The following TAFA2 variants were observed in gnomAD, a reference collection of about 807,000 sequenced individuals.
The protein encoded by TAFA2 is TAFA chemokine like family member 2.
TAFA2 carries 7 observed loss-of-function variants against 18.8 expected under a neutral mutation model. That is an observed-to-expected ratio of 0.37 (90% confidence interval 0.21 to 0.70). The LOEUF (loss-of-function observed/expected upper bound fraction) is 0.70, where lower values mean the gene tolerates loss of function less well. Among genes scored for constraint, TAFA2 ranks in the 30% least tolerant of loss-of-function variants. The pLI is 0.53. For missense variants in TAFA2, 122 were observed against 158.1 expected (o/e 0.77, Z 1.23); for synonymous variants, 60 against 54.2 (o/e 1.11, Z -0.47).
At chr12:61,920,136 T>C (rs542546182) in intron 1 of TAFA2, among the ~76,000 whole-genome samples, 1 of 152,276 alleles carries the variant, frequency 6.6e-6, no homozygotes, top group East Asian at 1.9e-4. Flanking sequence ...CAGCACTAAC[T>C]TAGATGGTAA....
intron 1 of TAFA2, among the ~76,000 whole-genome samples, chr12:61,901,154 A>C (rs924178636): frequency 2.0e-5 from 3 of 152,154 alleles, no homozygotes; most frequent in Non-Finnish European, 4.4e-5. Flanking sequence ...ACATATGTTC[A>C]CTTGACTAAT....
At chr12:61,794,883 G>GAA (rs1465673033) in intron 2 of TAFA2, among the ~76,000 whole-genome samples, 3 of 151,792 alleles carry the variant, frequency 2.0e-5, no homozygotes, top group African/African-American at 4.8e-5. Context: ...ATATTTACAA[G>GAA]AAAAAAACAA....
At chr12:61,862,280 C>T (rs180879164) in intron 2 of TAFA2, among the ~76,000 whole-genome samples, 1 of 152,338 alleles carries the variant, frequency 6.6e-6, no homozygotes, top group East Asian at 1.9e-4. Flanking sequence ...AATACTCTGA[C>T]TTAATCCCTT....
chr12:62,095,807 A>C (rs1868924316), intron 1 of TAFA2, among the ~76,000 whole-genome samples: 1 of 152,124 alleles, frequency 6.6e-6, no homozygotes, highest in Admixed American at 6.6e-5. Context: ...AATATTGCTC[A>C]GAGGTAAAGA....
chr12:61,866,034 C>T (rs1027582405), intron 2 of TAFA2, among the ~76,000 whole-genome samples: 1 of 152,136 alleles, frequency 6.6e-6, no homozygotes, highest in Non-Finnish European at 1.5e-5. Context: ...ATGTCCTCCT[C>T]ATCATCTTTT....
chr12:61,734,749 C>A (rs1385016038), intron 4 of TAFA2, among the ~76,000 whole-genome samples: 1 of 151,830 alleles, frequency 6.6e-6, no homozygotes, highest in Non-Finnish European at 1.5e-5. Flanking sequence ...TGGGCAACCT[C>A]TTTTTATTTT....
At chr12:61,748,587 G>T (rs181361485) in intron 4 of TAFA2, among the ~76,000 whole-genome samples, 90 of 152,194 alleles carry the variant, frequency 5.9e-4, no homozygotes, top group African/African-American at 2.1e-3. Flanking sequence ...AGCACCCCTG[G>T]ACACTGTTTA....
At chr12:61,910,784 T>C (rs1327278340) in intron 1 of TAFA2, among the ~76,000 whole-genome samples, 2 of 152,232 alleles carry the variant, frequency 1.3e-5, no homozygotes, top group Non-Finnish European at 2.9e-5. Flanking sequence ...GAGCAATAAA[T>C]AGCCAGTCCT....
chr12:61,956,568 A>C (rs1015762248), intron 1 of TAFA2, among the ~76,000 whole-genome samples: 2 of 151,938 alleles, frequency 1.3e-5, no homozygotes, highest in Non-Finnish European at 2.9e-5. Flanking sequence ...TTTTCACAGA[A>C]AAACAGATGG....
chr12:61,904,388 C>A (rs1239822082), intron 1 of TAFA2, among the ~76,000 whole-genome samples: 1 of 152,060 alleles, frequency 6.6e-6, no homozygotes, highest in Non-Finnish European at 1.5e-5. Context: ...GATTTAAATT[C>A]AAAAATGCAG....
chr12:62,049,699 CA>C (rs771721281), intron 1 of TAFA2, among the ~76,000 whole-genome samples: 328 of 152,118 alleles, frequency 2.2e-3, no homozygotes, highest in Admixed American at 5.3e-3. Context: ...ACAGGAAAAA[CA>C]GAAGGCTACA....
chr12:61,920,997 A>G (rs1400109458), intron 1 of TAFA2, among the ~76,000 whole-genome samples: 1 of 152,182 alleles, frequency 6.6e-6, no homozygotes, highest in Non-Finnish European at 1.5e-5. Flanking sequence ...AAGAGGTTAG[A>G]GTGCGATTGG....
At chr12:62,017,944 A>G (rs2136723927) in intron 1 of TAFA2, among the ~76,000 whole-genome samples, 1 of 152,288 alleles carries the variant, frequency 6.6e-6, no homozygotes, top group Non-Finnish European at 1.5e-5. Flanking sequence ...AAAGCTTCTT[A>G]TTCATCTCCC....
At chr12:62,222,563 C>A (rs2062767707) in intron 1 of TAFA2, among the ~76,000 whole-genome samples, 1 of 151,706 alleles carries the variant, frequency 6.6e-6, no homozygotes, top group Non-Finnish European at 1.5e-5. Flanking sequence ...GCTGGAGTGC[C>A]GTGATGCGAT....
rs557382478 is a variant in TAFA2 at position 62,076,432 on chromosome 12, C to T, written c.-2+114827G>A. 2.0e-5 allele frequency among the ~76,000 whole-genome samples: 3 copies of T among 152,080 alleles called. No homozygotes were observed. In the South Asian group the frequency reaches 6.2e-4, roughly 32 times the overall value. ...GCTTTTTTGAAAATCACTTTTCTGC[C>T]CTACAATTCAGCAAAGTGTCACTGT... On this transcript the variant is annotated intron_variant, in intron 1 of 4. Transcript: ENST00000416284.
intron 1 of TAFA2, among the ~76,000 whole-genome samples, chr12:62,132,277 TAAGA>T (rs1870718555): frequency 6.9e-6 from 1 of 144,382 alleles, no homozygotes; most frequent in African/African-American, 2.6e-5. Context: ...ACTTCTATAT[TAAGA>T]AAGGCCCACA....
chr12:61,904,454 T>G (rs1876252192), intron 1 of TAFA2, among the ~76,000 whole-genome samples: 1 of 152,156 alleles, frequency 6.6e-6, no homozygotes, highest in Non-Finnish European at 1.5e-5. Context: ...TCATGAAATA[T>G]TCTTGGAGCA....
At chr12:62,175,629 A>G (rs928253527) in intron 1 of TAFA2, among the ~76,000 whole-genome samples, 47 of 152,074 alleles carry the variant, frequency 3.1e-4, no homozygotes, top group Non-Finnish European at 6.3e-4. Context: ...ATCTCTAACA[A>G]AGTAGTTCTT....
Position 61,980,423 on chromosome 12 carries a change from C to T in TAFA2, c.-1-112997G>A, listed in dbSNP as rs147263603. Reference sequence around the variant, plus strand: ...AAGACAAGGATGCCCTCTCTCACCGCTCCTATTCAACAAAGTATTGGAAGT... The same window carrying T: ...AAGACAAGGATGCCCTCTCTCACCGTTCCTATTCAACAAAGTATTGGAAGT... On this transcript the variant is annotated intron_variant, in intron 1 of 4. Coordinates refer to ENST00000416284, the MANE Select transcript of TAFA2 (RefSeq NM_178539.5). 2.2e-3 allele frequency among the ~76,000 whole-genome samples: 339 copies of T among 152,270 alleles called. 3 individuals carry two copies. The highest frequency in any genetic ancestry group is 7.7e-3 in the African/African-American group (320 of 41,546).
Sources: allele counts gnomAD v4.1 joint callset (sites outside exome capture counted in the v4.1 genomes callset), GRCh38; gene constraint gnomAD v4.1.1; transcripts MANE v1.5; gene names NCBI Gene and HGNC (gene_info 2026-07-23, HGNC 2026-07-21).